DOCK1: variants seen among roughly 807,000 people sequenced by gnomAD.
The protein encoded by DOCK1 is dedicator of cytokinesis 1, also known as dedicator of cytokinesis protein 1.
A neutral mutation model predicts 262.7 loss-of-function variants in DOCK1; 138 were observed. The observed-to-expected ratio is 0.53, with a 90% CI of 0.46 to 0.61. The LOEUF is 0.61. DOCK1 is among the 20% of genes least tolerant of loss of function. The probability of loss-of-function intolerance (pLI) is 0.00; values close to 1 mark genes in which losing one functional copy is unlikely to be tolerated. For synonymous variants in DOCK1, 866 were observed against 867.4 expected (o/e 1.00, Z 0.03); for missense variants, 1,908 against 2,370.7 (o/e 0.80, Z 4.05).
chr10:126,996,343 G>C (rs1036678118), intron 6 of DOCK1, among the ~76,000 whole-genome samples: 22 of 136,370 alleles, frequency 1.6e-4, no homozygotes, highest in Non-Finnish European at 1.5e-4. Flanking sequence ...TCGCACCACT[G>C]CACTCCAGTA....
chr10:127,393,286 C>T (rs781342779), intron 38 of DOCK1, among the ~76,000 whole-genome samples: 7 of 152,178 alleles, frequency 4.6e-5, no homozygotes, highest in Non-Finnish European at 7.3e-5. Context: ...CCAGGTGGGA[C>T]GTCAGTCTGG....
At chr10:127,374,703 G>A (rs1243685771) in intron 35 of DOCK1, among the ~76,000 whole-genome samples, 1 of 152,122 alleles carries the variant, frequency 6.6e-6, no homozygotes, top group East Asian at 1.9e-4. Context: ...GAGGGGAGAG[G>A]TACTAACTCC....
At chr10:127,340,462 G>T (rs1027098487) in intron 30 of DOCK1, among the ~76,000 whole-genome samples, 1 of 151,872 alleles carries the variant, frequency 6.6e-6, no homozygotes, top group Non-Finnish European at 1.5e-5. Context: ...CATATTCCAC[G>T]ATATGAATGT....
chr10:127,069,476 G>T (rs532190514), intron 23 of DOCK1, among the ~76,000 whole-genome samples: 10 of 152,302 alleles, frequency 6.6e-5, no homozygotes, highest in Admixed American at 6.5e-4. Context: ...AGTCAGAAGG[G>T]TTTCCCAAGA....
At chr10:127,420,329 A>C (rs1050302886) in intron 46 of DOCK1, among the ~76,000 whole-genome samples, 2 of 152,108 alleles carry the variant, frequency 1.3e-5, no homozygotes, top group African/African-American at 4.8e-5. Context: ...CCTTGGGTTT[A>C]AGTGTCAGAA....
intron 13 of DOCK1, among the ~76,000 whole-genome samples, chr10:127,022,669 C>T (rs1472889567): frequency 2.6e-5 from 4 of 152,172 alleles, no homozygotes; most frequent in African/African-American, 9.7e-5. Flanking sequence ...GTGATGGGAT[C>T]ACAGGGGTGA....
intron 29 of DOCK1, among the ~76,000 whole-genome samples, chr10:127,297,706 G>A (rs1212776091): frequency 2.0e-5 from 3 of 152,102 alleles, no homozygotes; most frequent in African/African-American, 7.2e-5. Flanking sequence ...TAGCACCTTA[G>A]AATATTGAAA....
intron 19 of DOCK1, 124 bp downstream of exon 19, chr10:127,037,940 T>C (rs1225833600): frequency 1.2e-6 from 1 of 807,066 alleles, no homozygotes; most frequent in Non-Finnish European, 1.9e-6. Context: ...CTTTAAAAAA[T>C]AGTGACATAG....
intron 25 of DOCK1, among the ~76,000 whole-genome samples, chr10:127,124,213 A>G (rs561310155): frequency 4.6e-5 from 7 of 152,340 alleles, no homozygotes; most frequent in Non-Finnish European, 5.9e-5. Context: ...TTGCATGCTT[A>G]TAGTTTTCTT....
At chr10:127,196,831 G>T (rs555614529) in intron 27 of DOCK1, among the ~76,000 whole-genome samples, 2 of 151,980 alleles carry the variant, frequency 1.3e-5, no homozygotes, top group Non-Finnish European at 2.9e-5. Flanking sequence ...TGCAGGCGGC[G>T]CTGCATGGCC....
chr10:126,936,485 A>G (rs1176319938), intron 1 of DOCK1, among the ~76,000 whole-genome samples: 5 of 152,168 alleles, frequency 3.3e-5, no homozygotes, highest in Non-Finnish European at 4.4e-5. Flanking sequence ...TAGTTTTTGC[A>G]TGTCATGAAA....
Position 127,410,854 on chromosome 10 carries a change from A to C in DOCK1, c.4358A>C (p.Asn1453Thr). ...SEQIVSFYRV[N>T]EVQRFEYSRP... The stretch of plus-strand genomic sequence containing the variant: ...TCTCTGTACAGTTTTTACAGGGTGA[A>C]CGAGGTCCAGCGATTTGAATATTCT... Residue 1453 changes from asparagine (N) to threonine (T), a missense_variant, in exon 43 of 52, where the codon AAC (asparagine) becomes ACC (threonine). Asn to Thr is a moderately conservative substitution (Grantham distance 65, BLOSUM62 0). Around this residue, in one of 9 missense-constraint regions of DOCK1, gnomAD observed 267 missense variants for 366.3 expected, o/e 0.73. Transcript: ENST00000623213. The C allele has an allele frequency of 6.2e-7, 1 of 1,613,914 alleles. No homozygotes were observed. The highest frequency in any genetic ancestry group is 1.1e-5 in the South Asian group (1 of 90,996).
At chr10:127,031,867 A>C in intron 17 of DOCK1, 114 bp downstream of exon 17, 1 of 996,238 alleles carries the variant, frequency 1.0e-6, no homozygotes, top group Non-Finnish European at 1.5e-6. Context: ...ATCTAGCTAC[A>C]TTTAATTATG....
rs769283067 is a variant in DOCK1 at position 126,905,509 on chromosome 10, G to A, written c.-9G>A. 4 of 536,498 alleles carry A rather than the reference G, an allele frequency of 7.5e-6. No individual in the cohort carries two copies. Among genetic ancestry groups the A allele is most frequent in the Non-Finnish European group, 1.4e-5 (4 of 292,920 alleles). The allele number at this position is 536,498 out of a possible 1,614,324, so 33.2% of individuals were successfully genotyped here. ...TTCCTGCCCGACCCGCGGCGGCTCC[G>A]GCGGCGCCATGACGCGCTGGGTGCC... On this transcript the variant is annotated 5_prime_UTR_variant, in exon 1 of 52. Coordinates refer to ENST00000623213, the MANE Select transcript of DOCK1 (RefSeq NM_001290223.2).
intron 51 of DOCK1, 98 bp downstream of exon 51, chr10:127,447,643 G>A: frequency 1.3e-6 from 2 of 1,498,238 alleles, no homozygotes; most frequent in South Asian, 2.7e-5. Flanking sequence ...CTTCGGGCTA[G>A]TGAGCACATG....
At chr10:127,020,990 T>G (rs141154504) in intron 13 of DOCK1, among the ~76,000 whole-genome samples, 415 of 152,316 alleles carry the variant, frequency 2.7e-3, no homozygotes, top group Non-Finnish European at 4.4e-3. Flanking sequence ...AGTTTTCCTT[T>G]GAGCTGGGAA....
At position 127,404,331 on chromosome 10, in the gene DOCK1, C is replaced by A. The variant is rs754014975; in HGVS notation, c.4024C>A (p.Gln1342Lys). The change falls in exon 40 of 52, where the codon CAG (glutamine) becomes AAG (lysine). Residue 1342 changes from glutamine (Q) to lysine (K), a missense_variant. Transcript: ENST00000623213. ...TTTTCTTTTTTCCTTCCAGAAAAAA[C>A]AGGCTCAGTTTTATGAAAACATCGT... ...YEQLSELLKK[Q>K]AQFYENIVKV... 2 of 1,613,048 alleles carry A rather than the reference C, an allele frequency of 1.2e-6. No individual in the cohort carries two copies. The highest frequency in any genetic ancestry group is 1.7e-6 in the Non-Finnish European group (2 of 1,179,540).
chr10:127,177,952 C>T (rs1182412458), intron 27 of DOCK1, among the ~76,000 whole-genome samples: 1 of 152,180 alleles, frequency 6.6e-6, no homozygotes, highest in Non-Finnish European at 1.5e-5. Context: ...GGAGCAGGAC[C>T]CTACTTTAGT....
chr10:126,972,575 G>A (rs915002393), intron 2 of DOCK1, among the ~76,000 whole-genome samples: 1 of 152,002 alleles, frequency 6.6e-6, no homozygotes, highest in African/African-American at 2.4e-5. Flanking sequence ...ATGGGAGGTT[G>A]GGGGTGAGAG....
Sources: allele counts gnomAD v4.1 joint callset (sites outside exome capture counted in the v4.1 genomes callset), GRCh38; gene constraint gnomAD v4.1.1; regional missense constraint gnomAD v4.1.1; transcripts MANE v1.5; gene names NCBI Gene and HGNC (gene_info 2026-07-23, HGNC 2026-07-21).